The following ETS1 variants were observed in gnomAD, a reference collection of about 807,000 sequenced individuals.
ETS1 encodes the protein ETS proto-oncogene 1, transcription factor, also known as protein C-ets-1.
In ETS1, 15 loss-of-function variants were observed where a neutral mutation model predicts 58.6. The observed-to-expected ratio is 0.26, with a 90% confidence interval of 0.17 to 0.39. The LOEUF (loss-of-function observed/expected upper bound fraction) is 0.39. Ranked by LOEUF, ETS1 falls within the 10% of genes least tolerant of loss-of-function variation. The probability of loss-of-function intolerance (pLI) is 1.00; values close to 1 mark genes in which losing one functional copy is unlikely to be tolerated. For synonymous variants in ETS1, 214 were observed against 218.2 expected, an observed-to-expected ratio of 0.98 and a Z score of 0.17; for missense variants, 417 against 610.5, an observed-to-expected ratio of 0.68 and a Z score of 3.34.
intron 3 of ETS1, chr11:128,526,056 A>G (rs2135525416): frequency 6.6e-6 from 1 of 150,574 alleles, no homozygotes; most frequent in South Asian, 2.1e-4. Context: ...GAATAAAATC[A>G]GCCCTAGCTC....
chr11:128,562,750 G>A (rs986968210), intron 2 of ETS1, among the ~76,000 whole-genome samples: 2 of 152,126 alleles, frequency 1.3e-5, no homozygotes, highest in African/African-American at 4.8e-5. Flanking sequence ...TTCCTGCAAG[G>A]AAGCACTCAT....
intron 3 of ETS1, among the ~76,000 whole-genome samples, chr11:128,511,614 G>C (rs186726921): frequency 3.3e-5 from 5 of 152,344 alleles, no homozygotes; most frequent in Admixed American, 6.5e-5. Context: ...TGTGGGACTT[G>C]TTATAGATGC....
chr11:128,564,932 G>GT (rs1465046842), intron 2 of ETS1, among the ~76,000 whole-genome samples: 5 of 149,746 alleles, frequency 3.3e-5, no homozygotes, highest in African/African-American at 7.4e-5. Context: ...GTTTTTTTTT[G>GT]TTTTTTCCAG....
At chr11:128,533,307 G>A (rs774019261) in intron 3 of ETS1, among the ~76,000 whole-genome samples, 56 of 152,298 alleles carry the variant, frequency 3.7e-4, no homozygotes, top group Admixed American at 1.0e-3. Context: ...GTCAGAGAAG[G>A]ACTTTTCTGA....
In ETS1 at chr11:128,484,825, C is replaced by A; in HGVS notation, c.860G>T (p.Arg287Leu). 6.2e-7 allele frequency: 1 copy of A among 1,613,446 alleles called. No individual in the cohort carries two copies. The highest frequency in any genetic ancestry group is 1.1e-5 in the South Asian group (1 of 91,008). The part of the protein sequence containing the change: ...PDNMCMGRTS[R>L]GKLGGQDSFE... ...TTTAGAGAAGAAATATGACCTACCACGACTGGTCCTCCCCATGCACATGTT... is the reference window on the plus strand; with the variant it reads ...TTTAGAGAAGAAATATGACCTACCAAGACTGGTCCTCCCCATGCACATGTT... The change falls in exon 7 of 10, where the codon CGT becomes CTT. Residue 287 changes from arginine to leucine, a missense_variant and splice_region_variant. Physicochemically the swap from Arg to Leu is moderately radical, Grantham distance 102. This residue lies in a region of ETS1 where 139 missense variants were observed against 152.1 expected (regional missense o/e 0.91). Transcript: ENST00000392668.
At chr11:128,516,708 T>G (rs1017554378) in intron 3 of ETS1, among the ~76,000 whole-genome samples, 1 of 152,184 alleles carries the variant, frequency 6.6e-6, no homozygotes, top group East Asian at 1.9e-4. Context: ...ACACATGGAA[T>G]GGACTTTTTT....
chr11:128,560,045 G>A (rs976884674), intron 2 of ETS1, among the ~76,000 whole-genome samples: 6 of 151,606 alleles, frequency 4.0e-5, no homozygotes, highest in South Asian at 2.1e-4. Flanking sequence ...GGTGATTGCC[G>A]AAAGGACCTA....
chr11:128,545,866 CTT>C (rs1441189300), intron 3 of ETS1, among the ~76,000 whole-genome samples: 2 of 152,214 alleles, frequency 1.3e-5, no homozygotes, highest in Admixed American at 6.5e-5. Flanking sequence ...TGTTCAGAAA[CTT>C]TAAATTCAGA....
At chr11:128,515,838 T>C (rs1193594709) in intron 3 of ETS1, among the ~76,000 whole-genome samples, 1 of 152,136 alleles carries the variant, frequency 6.6e-6, no homozygotes, top group Non-Finnish European at 1.5e-5. Flanking sequence ...TACTAAATGC[T>C]ACAAGAAAGA....
At chr11:128,481,857 C>T (rs906861125) in intron 7 of ETS1, among the ~76,000 whole-genome samples, 16 of 152,148 alleles carry the variant, frequency 1.1e-4, no homozygotes, top group African/African-American at 3.1e-4. Context: ...AAAATGTATT[C>T]GGTTGAGTGT....
At chr11:128,571,068 C>T (rs1227476822) in intron 2 of ETS1, among the ~76,000 whole-genome samples, 3 of 151,594 alleles carry the variant, frequency 2.0e-5, no homozygotes, top group Non-Finnish European at 4.4e-5. Flanking sequence ...CTCAATCATC[C>T]TTAAAATGTG....
At chr11:128,483,257 T>C (rs1031615439) in intron 7 of ETS1, among the ~76,000 whole-genome samples, 4 of 152,100 alleles carry the variant, frequency 2.6e-5, no homozygotes, top group African/African-American at 7.2e-5. Flanking sequence ...GGAGGGGTGG[T>C]AGGGACCAAA....
chr11:128,505,044 G>A (rs554959260), intron 3 of ETS1: 2 of 152,360 alleles, frequency 1.3e-5, no homozygotes, highest in South Asian at 4.1e-4. Flanking sequence ...ATACCATGGT[G>A]TCTGATGGCT....
intron 8 of ETS1, among the ~76,000 whole-genome samples, chr11:128,466,380 A>G (rs551728449): frequency 6.6e-6 from 1 of 152,330 alleles, no homozygotes; most frequent in Admixed American, 6.5e-5. Flanking sequence ...CTGTCAGCAC[A>G]TCTGCTGGTG....
At chr11:128,515,976 A>T (rs918519414) in intron 3 of ETS1, among the ~76,000 whole-genome samples, 3 of 152,350 alleles carry the variant, frequency 2.0e-5, no homozygotes, top group Admixed American at 6.5e-5. Context: ...GTGATCAATA[A>T]AATATTTACG....
intron 3 of ETS1, among the ~76,000 whole-genome samples, chr11:128,499,923 C>T (rs1445160901): frequency 6.6e-6 from 1 of 152,144 alleles, no homozygotes; most frequent in African/African-American, 2.4e-5. Flanking sequence ...GAGTAGAGCC[C>T]GTTTATTTAG....
intron 1 of ETS1, among the ~76,000 whole-genome samples, chr11:128,585,311 G>A (rs1164719238): frequency 2.4e-4 from 27 of 112,682 alleles, no homozygotes; most frequent in African/African-American, 8.2e-4. Context: ...AGGGAAGGGA[G>A]GGAAGAAGGA....
chr11:128,487,908 G>C (rs529533125), intron 5 of ETS1, among the ~76,000 whole-genome samples: 96 of 152,172 alleles, frequency 6.3e-4, no homozygotes, highest in Admixed American at 1.8e-3. Context: ...ATAATCCAAA[G>C]AGAAAATGTA....
chr11:128,462,245 G>A lies in ETS1; in HGVS notation c.*116C>T. 2 of 815,866 alleles carry A rather than the reference G, an allele frequency of 2.5e-6. No homozygotes were observed. The highest frequency in any genetic ancestry group is 2.7e-5 in the East Asian group (1 of 37,158). 50.5% of individuals were successfully genotyped at this position (815,866 alleles called of 1,614,324 possible). On this transcript the variant is annotated 3_prime_UTR_variant, in exon 10 of 10. Coordinates refer to ENST00000392668, the MANE Select transcript of ETS1 (RefSeq NM_001143820.2). ...ACTGACTTAGCTCCCACCCCTGAAG[G>A]TAAAAAATGAGTTCTGGAAAATAAA...
Sources: gnomAD v4.1 joint callset for allele counts (sites outside exome capture counted in the v4.1 genomes callset) on GRCh38, gnomAD v4.1.1 for gene constraint, gnomAD v4.1.1 regional missense constraint, MANE v1.5 for transcripts, NCBI Gene and HGNC (gene_info 2026-07-23, HGNC 2026-07-21) for gene names.